Variants in ORC2 observed in about 807,000 individuals in gnomAD.
ORC2 encodes the protein origin recognition complex subunit 2.
A neutral mutation model predicts 77.7 loss-of-function variants in ORC2; 37 were observed. The ratio of observed to expected loss-of-function variants is 0.48; its 90% CI spans 0.37 to 0.63. ORC2 has a LOEUF of 0.63. Among genes scored for constraint, ORC2 ranks in the 20% least tolerant of loss-of-function variants. The pLI is 0.00. For missense variants in ORC2, 557 were observed against 661.9 expected (o/e 0.84, Z 1.74); for synonymous variants, 201 against 229.5 (o/e 0.88, Z 1.12).
intron 5 of ORC2, among the ~76,000 whole-genome samples, chr2:200,946,446 A>T (rs1044151442): frequency 1.3e-5 from 2 of 152,216 alleles, no homozygotes; most frequent in Admixed American, 6.5e-5. Context: ...GAGCATCATA[A>T]CTAAACAAAG....
chr2:200,955,606 A>G (rs1016650868), intron 4 of ORC2, among the ~76,000 whole-genome samples: 42 of 152,238 alleles, frequency 2.8e-4, no homozygotes, highest in Non-Finnish European at 5.6e-4. Context: ...ATGGACATTT[A>G]TAAGTATGTG....
At chr2:200,958,518 A>G (rs569591002) in intron 2 of ORC2, among the ~76,000 whole-genome samples, 73 of 152,376 alleles carry the variant, frequency 4.8e-4, no homozygotes, top group Middle Eastern at 6.8e-3. Flanking sequence ...AGTGACAGCC[A>G]AACAAAGAAT....
At chr2:200,963,226 C>A in intron 1 of ORC2, 1 of 387,900 alleles carries the variant, frequency 2.6e-6, no homozygotes, top group Non-Finnish European at 4.6e-6. Flanking sequence ...CACCTCAAGT[C>A]TTAAAGGACT....
rs370998157 is a variant in ORC2, at chr2:200,957,556, T to C, written c.95-12A>G. ...CTTCAATTTAGCTCCTATAAGAACA[T>C]CCAAAGAAATAGAGCATGACAGGTA... On this transcript the variant is annotated splice_polypyrimidine_tract_variant and intron_variant, in intron 3 of 17. Transcript: ENST00000234296. 7.0e-6 allele frequency: 11 copies of C among 1,573,000 alleles called. No individual in the cohort carries two copies. The African/African-American group carries it at 1.2e-4, about 18-fold the overall frequency.
chr2:200,952,033 G>A (rs899098318), intron 4 of ORC2, among the ~76,000 whole-genome samples: 4 of 151,858 alleles, frequency 2.6e-5, no homozygotes, highest in African/African-American at 9.7e-5. Flanking sequence ...GTTTATAAAG[G>A]GAGGTAGAGG....
Position 200,910,587 on chromosome 2 carries a change from T to C in ORC2, c.*714A>G, listed in dbSNP as rs2040534868. Reference sequence around the variant, plus strand: ...TGGCTTCTCACTGGTATCATGAAGGTCATGGCACAGACAATAACTGTTCCA... The same window carrying C: ...TGGCTTCTCACTGGTATCATGAAGGCCATGGCACAGACAATAACTGTTCCA... On this transcript the variant is annotated 3_prime_UTR_variant, in exon 18 of 18. Coordinates refer to ENST00000234296, the MANE Select transcript of ORC2 (RefSeq NM_006190.5). The C allele has an allele frequency of 6.6e-6, 1 of 152,214 alleles. No homozygotes were observed. The highest frequency in any genetic ancestry group is 2.1e-4 in the South Asian group (1 of 4,828). 9.4% of individuals were successfully genotyped at this position (152,214 alleles called of 1,614,324 possible).
intron 5 of ORC2, among the ~76,000 whole-genome samples, chr2:200,948,324 C>A (rs1164130421): frequency 6.6e-6 from 1 of 151,882 alleles, no homozygotes; most frequent in East Asian, 1.9e-4. Flanking sequence ...GCTGAGATTA[C>A]AGGCATGAGC....
intron 4 of ORC2, among the ~76,000 whole-genome samples, chr2:200,952,412 A>C (rs756641542): frequency 2.8e-4 from 43 of 151,906 alleles, no homozygotes; most frequent in Non-Finnish European, 5.4e-4. Flanking sequence ...GTCGCCCGCC[A>C]CCACACCCGG....
chr2:200,914,797 T>C (rs1488667057), intron 15 of ORC2, among the ~76,000 whole-genome samples: 1 of 151,982 alleles, frequency 6.6e-6, no homozygotes, highest in Non-Finnish European at 1.5e-5. Context: ...TTAGTGTTGG[T>C]AGAAAAGCTG....
At chr2:200,946,903 C>T (rs1398543758) in intron 5 of ORC2, among the ~76,000 whole-genome samples, 1 of 152,048 alleles carries the variant, frequency 6.6e-6, no homozygotes, top group African/African-American at 2.4e-5. Context: ...GATTTAAAAA[C>T]TTAATTTCTT....
At position 200,921,087 on chromosome 2, in the gene ORC2, C is replaced by T. The variant is rs763618925; in HGVS notation, c.1200G>A (p.Leu400=). The change falls in exon 14 of 18, where the codon TTG becomes TTA. Residue 400 remains leucine (L), a synonymous_variant. Coordinates refer to ENST00000234296, the MANE Select transcript of ORC2 (RefSeq NM_006190.5). ...TGATTTGCTGGCTCTTCTCTCCTCTCAACATCTGGCTATCCAAATTGTGGA... is the reference window on the plus strand; with the variant it reads ...TGATTTGCTGGCTCTTCTCTCCTCTTAACATCTGGCTATCCAAATTGTGGA... ...LLIHNLDSQM[L]RGEKSQQIIG... 31 of 1,609,158 alleles carry T rather than the reference C, an allele frequency of 1.9e-5. No homozygotes were observed. The South Asian group carries it at 3.2e-4, about 17-fold the overall frequency.
At chr2:200,911,960 C>G (rs1196320258) in intron 17 of ORC2, among the ~76,000 whole-genome samples, 1 of 152,184 alleles carries the variant, frequency 6.6e-6, no homozygotes. Context: ...CTAAATCTCA[C>G]AGATATTTTC....
At chr2:200,950,058 C>T (rs566016684) in intron 4 of ORC2, among the ~76,000 whole-genome samples, 4 of 152,222 alleles carry the variant, frequency 2.6e-5, no homozygotes, top group South Asian at 2.1e-4. Flanking sequence ...CTTGGCCGGG[C>T]GCAGTGGCTC....
rs200708425 is a variant in ORC2 at position 200,926,809 on chromosome 2, C to G, written c.1009G>C (p.Val337Leu). The G allele has an allele frequency of 6.2e-7, 1 of 1,613,978 alleles. No individual in the cohort carries two copies. The highest frequency in any genetic ancestry group is 1.1e-5 in the South Asian group (1 of 91,078). ...RTTMLQDSIH[V>L]VINGFFPGIS... The stretch of plus-strand genomic sequence containing the variant: ...CCAGGAAAGAAGCCATTGATGACAA[C>G]GTGAATGGAATCTTGCAGCATAGTG... The change falls in exon 12 of 18, where the codon GTT becomes CTT. Residue 337 changes from valine (V) to leucine (L), a missense_variant. Val to Leu is a conservative substitution (Grantham distance 32, BLOSUM62 1). Transcript: ENST00000234296.
chr2:200,963,320 A>T, intron 1 of ORC2, 170 bp downstream of exon 1: 1 of 397,128 alleles, frequency 2.5e-6, no homozygotes, highest in Non-Finnish European at 4.4e-6. Flanking sequence ...TGCGGGGGGC[A>T]GCGAGGCGCA....
intron 12 of ORC2, 122 bp downstream of exon 12, chr2:200,926,646 T>C (rs925794214): frequency 5.8e-6 from 5 of 857,726 alleles, no homozygotes; most frequent in Admixed American, 2.2e-5. Flanking sequence ...TATTAAGCAC[T>C]ATACAATCCT....
intron 11 of ORC2, among the ~76,000 whole-genome samples, chr2:200,929,667 C>T (rs2040904236): frequency 6.6e-6 from 1 of 151,946 alleles, no homozygotes; most frequent in Non-Finnish European, 1.5e-5. Flanking sequence ...CATGGTGGCA[C>T]ACATCTATGG....
chr2:200,920,957 T>C, intron 14 of ORC2, 36 bp downstream of exon 14: 1 of 1,424,830 alleles, frequency 7.0e-7, no homozygotes. Context: ...GTAAGACTGA[T>C]ATCTCTAGAA....
chr2:200,925,235 G>A (rs866021909), intron 13 of ORC2, among the ~76,000 whole-genome samples: 4 of 152,180 alleles, frequency 2.6e-5, no homozygotes, highest in Middle Eastern at 3.4e-3. Context: ...GCTGAGGCAG[G>A]AGAATTGCTT....
Sources: allele counts gnomAD v4.1 joint callset (sites outside exome capture counted in the v4.1 genomes callset), GRCh38; gene constraint gnomAD v4.1.1; transcripts MANE v1.5; gene names NCBI Gene and HGNC (gene_info 2026-07-23, HGNC 2026-07-21).